STXBP5L: variants seen among roughly 807,000 people sequenced by gnomAD.
STXBP5L encodes the protein syntaxin-binding protein 5-like.
In STXBP5L, 65 loss-of-function variants were observed where a neutral mutation model predicts 144.5. The observed-to-expected ratio is 0.45, with a 90% CI of 0.37 to 0.55. STXBP5L has a LOEUF of 0.55. STXBP5L is among the 20% of genes least tolerant of loss of function. The pLI, the probability that STXBP5L is intolerant of heterozygous loss-of-function variation, is 0.00. For missense variants in STXBP5L, 1,298 were observed against 1,405.5 expected (o/e 0.92, Z 1.22); for synonymous variants, 505 against 469.6 (o/e 1.08, Z -0.97).
intron 19 of STXBP5L, among the ~76,000 whole-genome samples, chr3:121,284,498 A>C (rs1459888839): frequency 6.6e-6 from 1 of 152,004 alleles, no homozygotes; most frequent in Non-Finnish European, 1.5e-5. Context: ...ATGGCTACTT[A>C]CTTTTATACT....
At chr3:120,988,176 CTAG>C (rs1467818042) in intron 3 of STXBP5L, among the ~76,000 whole-genome samples, 1 of 136,298 alleles carries the variant, frequency 7.3e-6, no homozygotes, top group Non-Finnish European at 1.6e-5. Flanking sequence ...CTCTTTTTTT[CTAG>C]TTTCTTGAAG....
chr3:121,253,263 A>G (rs1315281238), intron 15 of STXBP5L, among the ~76,000 whole-genome samples: 1 of 151,956 alleles, frequency 6.6e-6, no homozygotes, highest in Non-Finnish European at 1.5e-5. Flanking sequence ...GCAAAAAAAA[A>G]AAAAGTACTA....
chr3:121,248,214 C>G (rs543282822), intron 14 of STXBP5L, among the ~76,000 whole-genome samples: 1 of 152,276 alleles, frequency 6.6e-6, no homozygotes, highest in African/African-American at 2.4e-5. Flanking sequence ...TAGGCATGTG[C>G]CACCATGCCT....
chr3:121,089,677 C>T (rs2042682540), intron 5 of STXBP5L, among the ~76,000 whole-genome samples: 2 of 151,854 alleles, frequency 1.3e-5, no homozygotes, highest in Non-Finnish European at 2.9e-5. Flanking sequence ...CAGTCTCATC[C>T]TCTTTTCCTT....
chr3:121,134,550 C>T (rs2045153209), intron 7 of STXBP5L, among the ~76,000 whole-genome samples: 1 of 151,744 alleles, frequency 6.6e-6, no homozygotes, highest in Admixed American at 6.6e-5. Flanking sequence ...TGCTTTCCCT[C>T]CCCCCTTCCC....
At chr3:121,314,356 C>A (rs2043695034) in intron 19 of STXBP5L, among the ~76,000 whole-genome samples, 5 of 136,920 alleles carry the variant, frequency 3.7e-5, no homozygotes, top group African/African-American at 1.4e-4. Flanking sequence ...CCTCGGGAGG[C>A]CGAGGCTGGC....
chr3:120,975,777 C>G (rs1444101431), intron 3 of STXBP5L, among the ~76,000 whole-genome samples: 2 of 151,992 alleles, frequency 1.3e-5, no homozygotes, highest in Admixed American at 6.6e-5. Context: ...TTGTCAAAGG[C>G]CTTTTCTGCA....
chr3:121,278,657 T>C (rs1577354497), intron 18 of STXBP5L, among the ~76,000 whole-genome samples: 1 of 151,898 alleles, frequency 6.6e-6, no homozygotes. Flanking sequence ...TAAAAATAAT[T>C]TTCTGACTTG....
At position 120,959,539 on chromosome 3, in the gene STXBP5L, G is replaced by A. The variant is rs374331462; in HGVS notation, c.287+4502G>A. Among the ~76,000 whole-genome samples, 25 of 152,236 alleles carry A rather than the reference G, an allele frequency of 1.6e-4. No homozygotes were observed. The East Asian group carries it at 2.7e-3, about 16-fold the overall frequency. The stretch of plus-strand genomic sequence containing the variant: ...ACAGTAAGCAAAACAGCATGGTACT[G>A]GTACCAAAACAGAGATATAGACCAA... On this transcript the variant is annotated intron_variant, in intron 3 of 26. Transcript: ENST00000471454.
intron 5 of STXBP5L, chr3:121,049,698 G>T (rs970263018): frequency 1.9e-5 from 3 of 154,118 alleles, no homozygotes; most frequent in African/African-American, 7.2e-5. Flanking sequence ...CACCTTGCAG[G>T]ATAAGGTCTA....
chr3:121,372,403 CA>C (rs2046059051), intron 20 of STXBP5L, among the ~76,000 whole-genome samples: 1 of 152,268 alleles, frequency 6.6e-6, no homozygotes, highest in Admixed American at 6.5e-5. Flanking sequence ...GCTCCCACAC[CA>C]AACCCTCTGG....
At chr3:121,172,372 A>C (rs548387560) in intron 9 of STXBP5L, among the ~76,000 whole-genome samples, 1 of 152,370 alleles carries the variant, frequency 6.6e-6, no homozygotes, top group East Asian at 1.9e-4. Flanking sequence ...GCACATCAAA[A>C]GAAACTACCA....
intron 5 of STXBP5L, among the ~76,000 whole-genome samples, chr3:121,085,502 A>T (rs2042444558): frequency 6.6e-6 from 1 of 150,856 alleles, no homozygotes; most frequent in South Asian, 2.1e-4. Flanking sequence ...ATAAATGTGC[A>T]AAAATCACAG....
chr3:121,218,656 T>C (rs961904486), intron 10 of STXBP5L, among the ~76,000 whole-genome samples: 118 of 151,926 alleles, frequency 7.8e-4, no homozygotes, highest in Non-Finnish European at 1.4e-3. Context: ...AGGAGATGCC[T>C]GAGATGGGAC....
chr3:121,136,775 G>A (rs575043929), intron 7 of STXBP5L, among the ~76,000 whole-genome samples: 19 of 152,294 alleles, frequency 1.2e-4, no homozygotes, highest in Non-Finnish European at 2.1e-4. Context: ...AGACACATGC[G>A]TGTGTATGTT....
intron 9 of STXBP5L, among the ~76,000 whole-genome samples, chr3:121,187,616 A>T (rs568953775): frequency 3.3e-5 from 5 of 151,884 alleles, no homozygotes; most frequent in African/African-American, 9.7e-5. Context: ...AAAAAGAAAA[A>T]AAATAAACTG....
At position 121,250,878 on chromosome 3, in the gene STXBP5L, G is replaced by A. The variant is rs1008714108; in HGVS notation, c.1441+115G>A. 4.7e-5 allele frequency: 39 copies of A among 822,930 alleles called. 1 individual carries two copies. The South Asian group carries it at 6.5e-4, about 14-fold the overall frequency. The allele number at this position is 822,930 out of a possible 1,614,324, so 51.0% of individuals were successfully genotyped here. A position where few individuals can be genotyped will look rare whatever the true frequency, so the allele number is the denominator to read the frequency against. ...TCAGATATATTTTTAGCACACATAT[G>A]TGGCTGTGTTACAAAAATCTATTAC... On this transcript the variant is annotated intron_variant, in intron 15 of 26. Coordinates refer to ENST00000471454, the MANE Select transcript of STXBP5L (RefSeq NM_001308330.2).
At position 121,259,246 on chromosome 3, in the gene STXBP5L, C is replaced by G. The variant is rs1220520698; in HGVS notation, c.1958+78C>G. On this transcript the variant is annotated intron_variant, in intron 18 of 26. Coordinates refer to ENST00000471454, the MANE Select transcript of STXBP5L (RefSeq NM_001308330.2). ...TTTTTAGATGTTCCTTGCTTAAGTC[C>G]TAAAAATGAAAAGAAGCCCTTACCT... The G allele has an allele frequency of 1.7e-5, 20 of 1,196,770 alleles. No homozygotes were observed. In the East Asian group the frequency reaches 5.2e-4, roughly 31 times the overall value. The allele number at this position is 1,196,770 out of a possible 1,614,324, so 74.1% of individuals were successfully genotyped here.
chr3:121,224,055 C>G (rs144049806), intron 11 of STXBP5L, among the ~76,000 whole-genome samples: 1 of 152,172 alleles, frequency 6.6e-6, no homozygotes, highest in African/African-American at 2.4e-5. Context: ...ATTTTTAAGA[C>G]AGAATATGCA....
Sources: allele counts gnomAD v4.1 joint callset (sites outside exome capture counted in the v4.1 genomes callset), GRCh38; gene constraint gnomAD v4.1.1; transcripts MANE v1.5; gene names NCBI Gene and HGNC (gene_info 2026-07-23, HGNC 2026-07-21).